UBE3B: variants seen among roughly 807,000 people sequenced by gnomAD.
UBE3B encodes the protein ubiquitin protein ligase E3B.
Under a neutral mutation model 132.3 loss-of-function variants are expected in UBE3B, and 80 were observed. The observed-to-expected ratio is 0.60, with a 90% confidence interval of 0.50 to 0.73. UBE3B has a LOEUF of 0.73. Among genes scored for constraint, UBE3B ranks in the 30% least tolerant of loss-of-function variants. The pLI is 0.00. For synonymous variants in UBE3B, 487 were observed against 520.4 expected (o/e 0.94, Z 0.87); for missense variants, 1,196 against 1,362.5 (o/e 0.88, Z 1.92).
chr12:109,483,601 G>A lies in UBE3B; in HGVS notation c.50G>A (p.Arg17His), dbSNP rs746633699. The A allele has an allele frequency of 1.6e-5, 26 of 1,611,794 alleles. No homozygotes were observed. The highest frequency in any genetic ancestry group is 4.4e-5 in the South Asian group (4 of 90,682). Reference protein sequence around the residue: ...TSRAWFIDRARQAREERLVQK... With the variant: ...TSRAWFIDRAHQAREERLVQK... ...AGAGCATGGTTCATCGATAGAGCCC[G>A]TCAGGCACGAGAAGAAAGGCTTGTG... Residue 17 changes from arginine (R) to histidine (H), a missense_variant, in exon 3 of 28, where the codon CGT becomes CAT. By Grantham distance (29) the Arg-to-His change is conservative. Coordinates refer to ENST00000342494, the MANE Select transcript of UBE3B (RefSeq NM_130466.4).
chr12:109,491,243 A>G (rs537965854), intron 9 of UBE3B, 116 bp downstream of exon 9: 4 of 900,784 alleles, frequency 4.4e-6, no homozygotes, highest in East Asian at 5.4e-5. Context: ...GTCAGAATTT[A>G]TGGGAAGCAT....
At chr12:109,500,265 T>C (rs769569204) in intron 12 of UBE3B, among the ~76,000 whole-genome samples, 6 of 152,190 alleles carry the variant, frequency 3.9e-5, no homozygotes, top group Non-Finnish European at 8.8e-5. Flanking sequence ...AATTATGAAC[T>C]TAAAAACATG....
At chr12:109,525,910 CTCTT>C (rs1291775744) in intron 23 of UBE3B, among the ~76,000 whole-genome samples, 1 of 152,340 alleles carries the variant, frequency 6.6e-6, no homozygotes, top group South Asian at 2.1e-4. Context: ...TCCCTTGAGA[CTCTT>C]TCCCGAGTCT....
intron 18 of UBE3B, among the ~76,000 whole-genome samples, chr12:109,515,274 TA>T (rs1805500401): frequency 6.6e-6 from 1 of 152,168 alleles, no homozygotes; most frequent in African/African-American, 2.4e-5. Flanking sequence ...CATATTTGCC[TA>T]ATAGAGTTAA....
the UBE3B span, among the ~76,000 whole-genome samples, chr12:109,546,801 C>T: frequency 6.6e-6 from 1 of 152,180 alleles, no homozygotes; most frequent in Non-Finnish European, 1.5e-5. Context: ...CTTCTGCCTC[C>T]TGGGCTCAGG....
At position 109,507,722 on chromosome 12, in the gene UBE3B, C is replaced by T. The variant is rs115231746; in HGVS notation, c.1609C>T (p.Arg537Trp). Residue 537 changes from arginine to tryptophan, a missense_variant, in exon 15 of 28, where the codon CGG (arginine) becomes TGG (tryptophan). Physicochemically the swap from Arg to Trp is moderately radical, Grantham distance 101. Transcript: ENST00000342494. The part of the protein sequence containing the change: ...AMLMLFCDCS[R>W]HLITILDDIE... ...GCTGATGCTGTTCTGTGACTGTTCG[C>T]GGCACCTCATCACGTAGGTTGACTG... is the stretch of plus-strand genomic sequence containing the variant. 64 of 1,612,934 alleles carry T rather than the reference C, an allele frequency of 4.0e-5. No individual in the cohort carries two copies. Among genetic ancestry groups the T allele is most frequent in the Middle Eastern group, 3.4e-4 (2 of 5,904 alleles).
chr12:109,537,675 C>T (rs1269971694), downstream of UBE3B, among the ~76,000 whole-genome samples: 1 of 152,222 alleles, frequency 6.6e-6, no homozygotes, highest in Non-Finnish European at 1.5e-5. Context: ...CCACCTAAAA[C>T]TAAAGCTTTA....
At chr12:109,504,273 G>A (rs1038338370) in intron 14 of UBE3B, among the ~76,000 whole-genome samples, 27 of 152,200 alleles carry the variant, frequency 1.8e-4, no homozygotes, top group African/African-American at 3.6e-4. Context: ...CCCAACCAGC[G>A]TGACAGCCAA....
intron 21 of UBE3B, 85 bp from the exon 22 acceptor site, chr12:109,523,893 C>A (rs1881993177): frequency 1.9e-6 from 3 of 1,569,690 alleles, no homozygotes; most frequent in Non-Finnish European, 2.6e-6. Context: ...CACCCCTGGG[C>A]CATGTCTGCA....
downstream of UBE3B, among the ~76,000 whole-genome samples, chr12:109,539,731 C>T (rs1883569965): frequency 1.3e-5 from 2 of 152,174 alleles, no homozygotes; most frequent in Non-Finnish European, 2.9e-5. Flanking sequence ...TTGCAAGACG[C>T]TTTGGCTGAC....
intron 14 of UBE3B, 62 bp downstream of exon 14, chr12:109,503,252 A>G: frequency 6.4e-7 from 1 of 1,570,514 alleles, no homozygotes; most frequent in Non-Finnish European, 8.6e-7. Context: ...TGTCTTAGCA[A>G]AAGTCGATGT....
chr12:109,538,641 C>T (rs1226968787), downstream of UBE3B, among the ~76,000 whole-genome samples: 2 of 152,314 alleles, frequency 1.3e-5, no homozygotes, highest in East Asian at 3.9e-4. The surrounding 1 kb of genome is among the most constrained non-coding windows in gnomAD (Gnocchi z 4.1). Context: ...TGCCCATGAC[C>T]CTGGAGATCA....
chr12:109,509,417 C>G, intron 15 of UBE3B, 179 bp from the exon 16 acceptor site: 1 of 498,494 alleles, frequency 2.0e-6, no homozygotes, highest in Non-Finnish European at 3.5e-6. Flanking sequence ...GGCTCTCCCT[C>G]CCCTTTCCCC....
intron 8 of UBE3B, chr12:109,490,742 A>G (rs905987066): frequency 6.4e-6 from 9 of 1,406,808 alleles, no homozygotes; most frequent in Non-Finnish European, 7.4e-6. Flanking sequence ...AAAGAGTGGT[A>G]GAGTTAACCT....
At chr12:109,539,193 A>C (rs1045275028), downstream of UBE3B, among the ~76,000 whole-genome samples, 3 of 152,150 alleles carry the variant, frequency 2.0e-5, no homozygotes, top group African/African-American at 7.2e-5. Flanking sequence ...CCAAGATCAC[A>C]CCACTGCACT....
chr12:109,523,604 T>C (rs1881962643), intron 21 of UBE3B, among the ~76,000 whole-genome samples: 1 of 152,208 alleles, frequency 6.6e-6, no homozygotes, highest in Admixed American at 6.5e-5. Flanking sequence ...CCCCTGCCAA[T>C]GCCATGGCTG....
chr12:109,509,455 A>C, intron 15 of UBE3B, 141 bp from the exon 16 acceptor site: 1 of 575,602 alleles, frequency 1.7e-6, no homozygotes, highest in Non-Finnish European at 3.0e-6. Flanking sequence ...ATATCATTTT[A>C]TCTGTAGATT....
At chr12:109,489,624 G>A (rs1404949761) in intron 7 of UBE3B, among the ~76,000 whole-genome samples, 1 of 152,192 alleles carries the variant, frequency 6.6e-6, no homozygotes, top group Admixed American at 6.5e-5. Context: ...CCCTAGGAGG[G>A]AATTAGAAAA....
chr12:109,499,821 G>A lies in UBE3B; in HGVS notation c.1118+11G>A, dbSNP rs774495273. ...ATCTGTGGATTATGGGTGAGTCCCAGATGCAAATCACTGTCTTTCCTGCCT... is the reference window on the plus strand; with the variant it reads ...ATCTGTGGATTATGGGTGAGTCCCAAATGCAAATCACTGTCTTTCCTGCCT... On this transcript the variant is annotated intron_variant, in intron 12 of 27. Coordinates refer to ENST00000342494, the MANE Select transcript of UBE3B (RefSeq NM_130466.4). The A allele has an allele frequency of 6.4e-7, 1 of 1,563,610 alleles. No homozygotes were observed. The highest frequency in any genetic ancestry group is 1.2e-5 in the South Asian group (1 of 85,034).
Sources: gnomAD v4.1 joint callset for allele counts (sites outside exome capture counted in the v4.1 genomes callset) on GRCh38, gnomAD v4.1.1 for gene constraint, Gnocchi (gnomAD v3.1) non-coding constraint, MANE v1.5 for transcripts, NCBI Gene and HGNC (gene_info 2026-07-23, HGNC 2026-07-21) for gene names.